The following TRIM5 variants were observed in gnomAD, a reference collection of about 807,000 sequenced individuals.
TRIM5 encodes tripartite motif-containing protein 5.
Under a neutral mutation model 35.6 loss-of-function variants are expected in TRIM5, and 31 were observed. The observed-to-expected ratio is 0.87, with a 90% CI of 0.65 to 1.18. The LOEUF is 1.18. Ranked by LOEUF, TRIM5 falls within the 50% of genes most tolerant of loss-of-function variation. TRIM5 has a pLI of 0.00. For missense variants in TRIM5, 609 were observed against 591.6 expected (o/e 1.03, Z -0.31); for synonymous variants, 243 against 215.6 (o/e 1.13, Z -1.11).
chr11:5,604,545 G>C, the TRIM5 span: 1 of 1,611,854 alleles, frequency 6.2e-7, no homozygotes, highest in East Asian at 2.2e-5. Context: ...AGAAGTTTCA[G>C]GAGTCTCTAA....
chr11:5,638,363 A>T, the TRIM5 span, among the ~76,000 whole-genome samples: 6 of 152,232 alleles, frequency 3.9e-5, no homozygotes, highest in Admixed American at 3.9e-4. Flanking sequence ...GCCATCTGTG[A>T]CTAAAGTAAT....
intron 4 of TRIM5, among the ~76,000 whole-genome samples, chr11:5,671,825 G>GT (rs11399578): frequency 0.81 from 122,633 of 151,752 alleles, 49,864 homozygotes; most frequent in Non-Finnish European, 0.85. Flanking sequence ...GGGAAAAATT[G>GT]TTACATTCTA....
chr11:5,632,749 T>C, the TRIM5 span: 2 of 1,600,210 alleles, frequency 1.2e-6, no homozygotes, highest in Non-Finnish European at 1.7e-6. Flanking sequence ...ATTCAAGGAA[T>C]GTCAGGTAGG....
At chr11:5,598,954 T>C in the TRIM5 span, among the ~76,000 whole-genome samples, 1 of 152,180 alleles carries the variant, frequency 6.6e-6, no homozygotes, top group Non-Finnish European at 1.5e-5. Context: ...CTTATGCCCT[T>C]TGCAGTTCAA....
chr11:5,665,312 T>C lies in TRIM5; in HGVS notation c.979A>G (p.Ile327Val). 6.2e-7 allele frequency: 1 copy of C among 1,614,170 alleles called. No homozygotes were observed. Among genetic ancestry groups the C allele is most frequent in the Non-Finnish European group, 8.5e-7 (1 of 1,180,042 alleles). Reference protein sequence around the residue: ...KRQVSSPKPQIIYGARGTRYQ... With the variant: ...KRQVSSPKPQVIYGARGTRYQ... ...CTTGTCCCTCGTGCCCCATATATTA[T>C]CTGTGGTTTCGGAGAGCTCACTTGT... Residue 327 changes from isoleucine (I) to valine (V), a missense_variant, in exon 8 of 8, where the codon ATA becomes GTA. Transcript: ENST00000380034.
the TRIM5 span, among the ~76,000 whole-genome samples, chr11:5,615,195 G>T: frequency 6.6e-6 from 1 of 152,134 alleles, no homozygotes; most frequent in East Asian, 1.9e-4. Flanking sequence ...TAAAGGATAT[G>T]ATCTATATTG....
chr11:5,636,947 T>A, the TRIM5 span, among the ~76,000 whole-genome samples: 1 of 152,084 alleles, frequency 6.6e-6, no homozygotes, highest in African/African-American at 2.4e-5. Flanking sequence ...GAGATCGAGA[T>A]CATCCTGGCT....
At chr11:5,634,526 CACACATATATATAT>C in the TRIM5 span, 45 of 653,470 alleles carry the variant, frequency 6.9e-5, no homozygotes, top group African/African-American at 8.4e-4. Context: ...CACACACACA[CACACATATATATAT>C]ATATATATTT....
chr11:5,679,879 T>C lies in TRIM5; in HGVS notation c.299A>G (p.Glu100Gly). The C allele has an allele frequency of 6.2e-7, 1 of 1,613,808 alleles. No homozygotes were observed. Among genetic ancestry groups the C allele is most frequent in the Non-Finnish European group, 8.5e-7 (1 of 1,180,002 alleles). The part of the protein sequence containing the change: ...QKVDHCARHG[E>G]KLLLFCQEDG... ...CTCCTGACAGAAGAGTAGAAGTTTC[T>C]CTCCATGGCGTGCACAATGATCAAC... The change falls in exon 2 of 8, where the codon GAG becomes GGG. Residue 100 changes from glutamate (E) to glycine (G), a missense_variant. By Grantham distance (98) the Glu-to-Gly change is moderately conservative (BLOSUM62 -2). Coordinates refer to ENST00000380034, the MANE Select transcript of TRIM5 (RefSeq NM_033034.3).
chr11:5,613,443 C>T, the TRIM5 span, among the ~76,000 whole-genome samples: 15 of 152,284 alleles, frequency 9.9e-5, no homozygotes, highest in Admixed American at 7.2e-4. Context: ...TGTTCTAAGG[C>T]ACCGTTTTAT....
At chr11:5,649,697 A>G in the TRIM5 span, among the ~76,000 whole-genome samples, 3 of 152,188 alleles carry the variant, frequency 2.0e-5, no homozygotes, top group Non-Finnish European at 4.4e-5. Flanking sequence ...AAGGCAGCAG[A>G]GCGTAATGTT....
At chr11:5,667,098 G>T (rs1851197807) in intron 5 of TRIM5, among the ~76,000 whole-genome samples, 1 of 152,164 alleles carries the variant, frequency 6.6e-6, no homozygotes, top group Non-Finnish European at 1.5e-5. Context: ...GTCCAACACT[G>T]CAACACCTTC....
chr11:5,597,048 AC>A, the TRIM5 span: 1 of 1,454,780 alleles, frequency 6.9e-7, no homozygotes. Context: ...ACTGCAAATG[AC>A]CCCACTGAGG....
At chr11:5,622,358 T>G in the TRIM5 span, among the ~76,000 whole-genome samples, 3 of 149,248 alleles carry the variant, frequency 2.0e-5, no homozygotes, top group African/African-American at 7.4e-5. Context: ...GGAAGGAGAA[T>G]GGCGTGAACC....
In TRIM5 at chr11:5,679,772, G is replaced by T; in HGVS notation, c.406C>A (p.Arg136=). The part of the protein sequence containing the change: ...HHTFLTEEVA[R]EYQVKLQAAL... ...TCCCAGTCTCTTACTTGGTACTCCCGGGCAACCTCCTCTGTGAGGAACGTG... is the reference window on the plus strand; with the variant it reads ...TCCCAGTCTCTTACTTGGTACTCCCTGGCAACCTCCTCTGTGAGGAACGTG... The change falls in exon 2 of 8, where the codon CGG becomes AGG. Residue 136 remains arginine (R), a synonymous_variant. Transcript: ENST00000380034. 6.3e-7 allele frequency: 1 copy of T among 1,589,382 alleles called. No homozygotes were observed. The highest frequency in any genetic ancestry group is 1.1e-5 in the South Asian group (1 of 87,544).
In TRIM5 at chr11:5,679,762, T is replaced by C; in HGVS notation, c.416A>G (p.Gln139Arg). ...FLTEEVAREY[Q>R]VKLQAALEML... ...CTTCCTTCCATCCCAGTCTCTTACT[T>C]GGTACTCCCGGGCAACCTCCTCTGT... is the stretch of plus-strand genomic sequence containing the variant. Residue 139 changes from glutamine to arginine, a missense_variant and splice_region_variant, in exon 2 of 8, where the codon CAA becomes CGA. Physicochemically the swap from Gln to Arg is conservative, Grantham distance 43 (BLOSUM62 1). Coordinates refer to ENST00000380034, the MANE Select transcript of TRIM5 (RefSeq NM_033034.3). 1.9e-6 allele frequency: 3 copies of C among 1,581,574 alleles called. No homozygotes were observed. The Admixed American group carries it at 5.3e-5, about 28-fold the overall frequency.
the TRIM5 span, chr11:5,611,078 C>T: frequency 1.5e-5 from 24 of 1,614,074 alleles, no homozygotes; most frequent in East Asian, 4.5e-5. Context: ...AGAGTGGATA[C>T]TGGGTGATTG....
chr11:5,640,155 T>C, the TRIM5 span, among the ~76,000 whole-genome samples: 14 of 152,206 alleles, frequency 9.2e-5, no homozygotes, highest in East Asian at 2.7e-3. Flanking sequence ...TCCAATACCA[T>C]GTTAAATAGA....
chr11:5,657,540 TATTA>T, the TRIM5 span, among the ~76,000 whole-genome samples: 1 of 117,654 alleles, frequency 8.5e-6, no homozygotes, highest in African/African-American at 3.6e-5. Flanking sequence ...ATTATTTATA[TATTA>T]TATATAATGC....
Sources: gnomAD v4.1 joint callset for allele counts (sites outside exome capture counted in the v4.1 genomes callset) on GRCh38, gnomAD v4.1.1 for gene constraint, MANE v1.5 for transcripts, NCBI Gene and HGNC (gene_info 2026-07-23, HGNC 2026-07-21) for gene names.